Variants in TF observed in about 807,000 individuals in gnomAD.
TF encodes the protein serotransferrin.
TF carries 55 observed loss-of-function variants against 82.4 expected under a neutral mutation model. The observed-to-expected ratio is 0.67, with a 90% CI of 0.54 to 0.84. The LOEUF (loss-of-function observed/expected upper bound fraction) is 0.84, where lower values mean the gene tolerates loss of function less well. Among genes scored for constraint, TF ranks in the 40% least tolerant of loss-of-function variants. The pLI, the probability that TF is intolerant of heterozygous loss-of-function variation, is 0.00. For missense variants in TF, 737 were observed against 868.4 expected (o/e 0.85, Z 1.90); for synonymous variants, 332 against 332.6 (o/e 1.00, Z 0.02).
chr3:133,717,733 G>T, the TF span, among the ~76,000 whole-genome samples: 9,784 of 152,110 alleles, frequency 0.064, 460 homozygotes, highest in East Asian at 0.26. Context: ...GGGGGGAGTT[G>T]GTTCTCAAAA....
chr3:133,721,202 C>A, the TF span, among the ~76,000 whole-genome samples: 1 of 152,030 alleles, frequency 6.6e-6, no homozygotes, highest in Admixed American at 6.6e-5. Context: ...TATTAGAAAT[C>A]TTCTTTCTTG....
the TF span, among the ~76,000 whole-genome samples, chr3:133,714,629 C>A: frequency 1.3e-5 from 2 of 152,082 alleles, no homozygotes; most frequent in African/African-American, 4.8e-5. Flanking sequence ...AGCTTCAGAC[C>A]TCTCATTCTC....
the TF span, among the ~76,000 whole-genome samples, chr3:133,737,579 T>C: frequency 2.7e-5 from 4 of 149,680 alleles, no homozygotes; most frequent in Non-Finnish European, 4.5e-5. Flanking sequence ...GCCAGACTAA[T>C]AAGAAAAGAG....
At chr3:133,717,628 C>T in the TF span, among the ~76,000 whole-genome samples, 6 of 152,228 alleles carry the variant, frequency 3.9e-5, no homozygotes, top group East Asian at 7.7e-4. Context: ...ACAGTCTGGG[C>T]GAAAGCTTCC....
chr3:133,751,357 C>T (rs928036439), intron 2 of TF, among the ~76,000 whole-genome samples: 13 of 151,640 alleles, frequency 8.6e-5, no homozygotes, highest in South Asian at 2.1e-4. Flanking sequence ...CTCAGCCTCC[C>T]GTGTAGCTGG....
chr3:133,751,265 C>A (rs375748956), intron 2 of TF, among the ~76,000 whole-genome samples: 13 of 128,874 alleles, frequency 1.0e-4, no homozygotes, highest in African/African-American at 3.0e-4. Context: ...CGGAGTTTCG[C>A]TCTGTCGCCC....
the TF span, among the ~76,000 whole-genome samples, chr3:133,666,665 T>G: frequency 1.3e-5 from 2 of 152,310 alleles, no homozygotes; most frequent in African/African-American, 4.8e-5. Context: ...GGGTTGCTAC[T>G]GGCTGCATTT....
chr3:133,746,559 G>A, intron 1 of TF, 76 bp downstream of exon 1: 1 of 1,490,902 alleles, frequency 6.7e-7, no homozygotes, highest in South Asian at 1.2e-5. Flanking sequence ...CCACCGCGCA[G>A]CCTGCATGCA....
Position 133,754,660 on chromosome 3 carries a change from C to T in TF, c.491C>T (p.Pro164Leu), listed in dbSNP as rs1458201054. 6.2e-7 allele frequency: 1 copy of T among 1,614,220 alleles called. No individual in the cohort carries two copies. Among genetic ancestry groups the T allele is most frequent in the East Asian group, 2.2e-5 (1 of 44,882 alleles). ...LYCDLPEPRK[P>L]LEKAVANFFS... is the part of the protein sequence containing the mutation. ...TGTGACTTACCTGAGCCACGTAAAC[C>T]TCTTGAGAAAGGTAAGCTGGCAGGA... Residue 164 changes from proline to leucine, a missense_variant, in exon 4 of 17, where the codon CCT becomes CTT. Physicochemically the swap from Pro to Leu is moderately conservative, Grantham distance 98. Transcript: ENST00000402696.
At chr3:133,753,231 A>C (rs1051808817) in intron 2 of TF, among the ~76,000 whole-genome samples, 3 of 152,202 alleles carry the variant, frequency 2.0e-5, no homozygotes, top group Admixed American at 6.5e-5. Flanking sequence ...ACTGCATTGC[A>C]CTGGCTGTGC....
intron 12 of TF, among the ~76,000 whole-genome samples, chr3:133,767,529 C>G (rs1470823213): frequency 1.3e-5 from 2 of 152,182 alleles, no homozygotes; most frequent in Non-Finnish European, 2.9e-5. Flanking sequence ...TCCCCACTGA[C>G]AAAGGCACTA....
the TF span, among the ~76,000 whole-genome samples, chr3:133,697,812 G>C: frequency 6.6e-6 from 1 of 152,174 alleles, no homozygotes; most frequent in African/African-American, 2.4e-5. Flanking sequence ...AATTAAAATT[G>C]TAACCACTCA....
chr3:133,694,493 G>A, the TF span: 1 of 152,648 alleles, frequency 6.6e-6, no homozygotes, highest in African/African-American at 2.4e-5. Flanking sequence ...TGCCTCCCAT[G>A]GCCAAGCCTT....
At chr3:133,738,793 A>G in the TF span, among the ~76,000 whole-genome samples, 1 of 152,224 alleles carries the variant, frequency 6.6e-6, no homozygotes, top group Non-Finnish European at 1.5e-5. Flanking sequence ...ACTACAAACC[A>G]CTGCTCAACT....
chr3:133,772,401 A>C (rs1447403188), intron 14 of TF, among the ~76,000 whole-genome samples: 1 of 152,204 alleles, frequency 6.6e-6, no homozygotes, highest in Non-Finnish European at 1.5e-5. Context: ...TCCCTCCTGC[A>C]TAGAATTAAG....
At position 133,746,492 on chromosome 3, in the gene TF, G is replaced by C. The variant is rs751413138; in HGVS notation, c.43+9G>C. The C allele has an allele frequency of 1.3e-6, 2 of 1,595,532 alleles. No individual in the cohort carries two copies. Among genetic ancestry groups the C allele is most frequent in the South Asian group, 2.2e-5 (2 of 89,072 alleles). On this transcript the variant is annotated intron_variant, in intron 1 of 16. Transcript: ENST00000402696. ...GGTCTGCGCCGTCCTGGGTGAGTGC[G>C]GGCACGGGGTAGCACCGCAGAGTCG...
At chr3:133,662,706 T>G in the TF span, among the ~76,000 whole-genome samples, 1 of 152,166 alleles carries the variant, frequency 6.6e-6, no homozygotes, top group South Asian at 2.1e-4. Flanking sequence ...AGCGGAAAAC[T>G]GATTCGTTGT....
chr3:133,766,408 C>T lies in TF; in HGVS notation c.1461C>T (p.Tyr487=). 1 of 1,614,154 alleles carries T rather than the reference C, an allele frequency of 6.2e-7. No individual in the cohort carries two copies. The highest frequency in any genetic ancestry group is 8.5e-7 in the Non-Finnish European group (1 of 1,180,020). Residue 487 remains tyrosine (Y), a synonymous_variant, in exon 12 of 17, where the codon TAC becomes TAT. Coordinates refer to ENST00000402696, the MANE Select transcript of TF (RefSeq NM_001063.4). The part of the protein sequence containing the change: ...AGWNIPMGLL[Y]NKINHCRFDE... ...GGAACATCCCCATGGGCCTGCTCTACAATAAGATCAACCACTGCAGATTTG... is the reference window on the plus strand; with the variant it reads ...GGAACATCCCCATGGGCCTGCTCTATAATAAGATCAACCACTGCAGATTTG...
chr3:133,756,175 A>G (rs1576358694), intron 5 of TF, 107 bp from the exon 6 acceptor site: 2 of 1,111,356 alleles, frequency 1.8e-6, no homozygotes, highest in South Asian at 1.3e-5. Flanking sequence ...ACGGGGCTGC[A>G]CCAGGCTCTA....
Sources: allele counts gnomAD v4.1 joint callset (sites outside exome capture counted in the v4.1 genomes callset), GRCh38; gene constraint gnomAD v4.1.1; transcripts MANE v1.5; gene names NCBI Gene and HGNC (gene_info 2026-07-23, HGNC 2026-07-21).